SVEP1: variants seen among roughly 807,000 people sequenced by gnomAD.
SVEP1 encodes sushi, von Willebrand factor type A, EGF and pentraxin domain-containing protein 1.
In SVEP1, 164 loss-of-function variants were observed where a neutral mutation model predicts 367.3. That is an observed-to-expected ratio of 0.45 (90% CI 0.39 to 0.51). SVEP1 has a LOEUF of 0.51. Ranked by LOEUF, SVEP1 falls within the 20% of genes least tolerant of loss-of-function variation. SVEP1 has a pLI of 0.00. For missense variants in SVEP1, 4,117 were observed against 4,425.3 expected (o/e 0.93, Z 1.98); for synonymous variants, 1,666 against 1,611.6 (o/e 1.03, Z -0.81).
rs1450746505 is a variant in SVEP1 at position 110,579,246 on chromosome 9, G to C, written c.298C>G (p.Arg100Gly). Reference protein sequence around the residue: ...DSSSVGEVNFRSELMFVRKLL... With the variant: ...DSSSVGEVNFGSELMFVRKLL... ...TTGCGGACGAACATGAGCTCGCTGC[G>C]GAAGTTGACTTCGCCCACGCTGGAC... The change falls in exon 1 of 48, where the codon CGC becomes GGC. Residue 100 changes from arginine to glycine, a missense_variant. Arg to Gly is a moderately radical substitution (Grantham distance 125). Around this residue, in one of 4 missense-constraint regions of SVEP1, gnomAD observed 161 missense variants for 122.4 expected, o/e 1.32. Coordinates refer to ENST00000374469, the MANE Select transcript of SVEP1 (RefSeq NM_153366.4). This position sits in a 1 kb window ranked among gnomAD's most constrained non-coding sequence, Gnocchi z 5.3. 14 of 1,570,526 alleles carry C rather than the reference G, an allele frequency of 8.9e-6. No homozygotes were observed. Among genetic ancestry groups the C allele is most frequent in the Non-Finnish European group, 1.2e-5 (14 of 1,159,096 alleles).
chr9:110,440,929 TAA>T (rs747289986), intron 27 of SVEP1, among the ~76,000 whole-genome samples: 1 of 148,602 alleles, frequency 6.7e-6, no homozygotes, highest in Admixed American at 6.7e-5. Context: ...AGCCATAAAT[TAA>T]AAGAGTTAGG....
At chr9:110,472,120 C>T (rs1203805193) in intron 15 of SVEP1, 39 bp downstream of exon 15, 1 of 1,569,826 alleles carries the variant, frequency 6.4e-7, no homozygotes, top group Non-Finnish European at 8.6e-7. Context: ...CAAGAATTTT[C>T]CATTATATTG....
intron 46 of SVEP1, 98 bp from the exon 47 acceptor site, chr9:110,370,114 A>G: frequency 9.5e-7 from 1 of 1,050,048 alleles, no homozygotes; most frequent in East Asian, 2.6e-5. Flanking sequence ...TACTTCCTGC[A>G]GCAGCCACTG....
intron 9 of SVEP1, among the ~76,000 whole-genome samples, chr9:110,487,120 C>T (rs186379223): frequency 6.6e-6 from 1 of 152,154 alleles, no homozygotes; most frequent in Admixed American, 6.5e-5. Context: ...CCACACCTGG[C>T]TAATTTTGTA....
chr9:110,560,107 T>G (rs1201189005), intron 1 of SVEP1, among the ~76,000 whole-genome samples: 1 of 152,140 alleles, frequency 6.6e-6, no homozygotes, highest in Non-Finnish European at 1.5e-5. Flanking sequence ...CTCATAAGAT[T>G]ATAATGCCAT....
chr9:110,564,704 C>T (rs554419639), intron 1 of SVEP1, among the ~76,000 whole-genome samples: 45 of 151,698 alleles, frequency 3.0e-4, no homozygotes, highest in Non-Finnish European at 5.4e-4. Context: ...CATAAATAAA[C>T]CAGGATGGAG....
At chr9:110,498,953 A>G in intron 7 of SVEP1, 88 bp downstream of exon 7, 1 of 1,174,450 alleles carries the variant, frequency 8.5e-7, no homozygotes, top group African/African-American at 1.5e-5. Context: ...GTTTGCAGCA[A>G]AAGTTGCAAA....
chr9:110,567,330 A>G (rs958439152), intron 1 of SVEP1, among the ~76,000 whole-genome samples: 2 of 152,172 alleles, frequency 1.3e-5, no homozygotes, highest in African/African-American at 2.4e-5. Context: ...GTATTTCCCC[A>G]CATTTTGGCA....
intron 3 of SVEP1, among the ~76,000 whole-genome samples, chr9:110,537,657 C>T (rs1830094632): frequency 6.6e-6 from 1 of 151,762 alleles, no homozygotes; most frequent in South Asian, 2.1e-4. Context: ...GAAAAGGGTG[C>T]TTGTTAACAA....
At chr9:110,431,847 A>G (rs17806670) in intron 32 of SVEP1, 68 bp downstream of exon 32, 59,124 of 1,581,942 alleles carry the variant, frequency 0.037, 1,214 homozygotes, top group East Asian at 0.058. Flanking sequence ...GAAATAACAT[A>G]CACTTAAAAT....
intron 25 of SVEP1, 40 bp from the exon 26 acceptor site, chr9:110,446,078 A>C (rs781339796): frequency 6.5e-7 from 1 of 1,544,386 alleles, no homozygotes; most frequent in Non-Finnish European, 8.8e-7. Context: ...GTGGCACTTG[A>C]AAGACATTTC....
intron 5 of SVEP1, among the ~76,000 whole-genome samples, chr9:110,505,533 G>A (rs1008099721): frequency 6.6e-6 from 1 of 152,038 alleles, no homozygotes; most frequent in South Asian, 2.1e-4. Flanking sequence ...AAATTATATT[G>A]TCTTCTGTAA....
At chr9:110,524,878 AT>A (rs559373590) in intron 3 of SVEP1, among the ~76,000 whole-genome samples, 22 of 152,008 alleles carry the variant, frequency 1.4e-4, no homozygotes, top group African/African-American at 4.8e-4. Flanking sequence ...TGCTTGACTA[AT>A]TTTTGTACTT....
At chr9:110,425,576 C>T (rs1828241347) in intron 36 of SVEP1, among the ~76,000 whole-genome samples, 1 of 152,210 alleles carries the variant, frequency 6.6e-6, no homozygotes, top group South Asian at 2.1e-4. Flanking sequence ...GAAGGAAGTA[C>T]ATGAGATGAT....
At chr9:110,431,541 C>A (rs1483484417) in intron 32 of SVEP1, among the ~76,000 whole-genome samples, 2 of 151,958 alleles carry the variant, frequency 1.3e-5, no homozygotes, top group East Asian at 3.9e-4. Flanking sequence ...GTGACTGAGG[C>A]AGAGGAAAGA....
chr9:110,579,089 A>T lies in SVEP1; in HGVS notation c.455T>A (p.Leu152Gln). 1.3e-6 allele frequency: 2 copies of T among 1,551,978 alleles called. No individual in the cohort carries two copies. Among genetic ancestry groups the T allele is most frequent in the South Asian group, 2.4e-5 (2 of 84,112 alleles). The part of the protein sequence containing the change: ...TRRARQHKCA[L>Q]LLQEIPAISY... ...GATGGCAGGGATCTCTTGGAGGAGCAGCGCGCACTTGTGCTGGCGCGCGCG... is the reference window on the plus strand; with the variant it reads ...GATGGCAGGGATCTCTTGGAGGAGCTGCGCGCACTTGTGCTGGCGCGCGCG... Residue 152 changes from leucine (L) to glutamine (Q), a missense_variant, in exon 1 of 48, where the codon CTG becomes CAG. Physicochemically the swap from Leu to Gln is moderately radical, Grantham distance 113 (BLOSUM62 -2). This residue lies in a region of SVEP1 where 2,174 missense variants were observed against 2,494.3 expected (regional missense o/e 0.87). Transcript: ENST00000374469. The surrounding 1 kb of genome is among the most constrained non-coding windows in gnomAD (Gnocchi z 5.3).
intron 6 of SVEP1, among the ~76,000 whole-genome samples, chr9:110,501,560 C>T (rs768931284): frequency 1.3e-5 from 2 of 151,986 alleles, no homozygotes; most frequent in Non-Finnish European, 2.9e-5. Flanking sequence ...ATCCCAATAT[C>T]TCTAATCTCA....
In SVEP1 at chr9:110,579,608, G is replaced by C; in HGVS notation, c.-65C>G. On this transcript the variant is annotated 5_prime_UTR_variant, in exon 1 of 48. Coordinates refer to ENST00000374469, the MANE Select transcript of SVEP1 (RefSeq NM_153366.4). The surrounding 1 kb of genome is among the most constrained non-coding windows in gnomAD (Gnocchi z 5.3). The stretch of plus-strand genomic sequence containing the variant: ...CGGCTCGGGCGGGAAGAGGCGCTGG[G>C]CGGCCGGACTCGCAGAGGGGCGTGC... 6.8e-7 allele frequency: 1 copy of C among 1,466,292 alleles called. No homozygotes were observed. The highest frequency in any genetic ancestry group is 1.4e-5 in the South Asian group (1 of 71,488). The allele number at this position is 1,466,292 out of a possible 1,614,324, so 90.8% of individuals were successfully genotyped here. A position where few individuals can be genotyped will look rare whatever the true frequency, so the allele number is the denominator to read the frequency against.
chr9:110,426,718 A>G (rs1828258606), intron 36 of SVEP1, among the ~76,000 whole-genome samples: 1 of 152,186 alleles, frequency 6.6e-6, no homozygotes, highest in African/African-American at 2.4e-5. Flanking sequence ...TATTGGTTGC[A>G]TTGAGACCCT....
Sources: allele counts gnomAD v4.1 joint callset (sites outside exome capture counted in the v4.1 genomes callset), GRCh38; gene constraint gnomAD v4.1.1; regional missense constraint gnomAD v4.1.1; non-coding constraint Gnocchi (gnomAD v3.1); transcripts MANE v1.5; gene names NCBI Gene and HGNC (gene_info 2026-07-23, HGNC 2026-07-21).